The following BCAS3 variants were observed in gnomAD, a reference collection of about 807,000 sequenced individuals.
BCAS3 encodes BCAS3 microtubule associated cell migration factor.
In BCAS3, 53 loss-of-function variants were observed where a neutral mutation model predicts 116.1. That is an observed-to-expected ratio of 0.46 (90% CI 0.37 to 0.57). The LOEUF (loss-of-function observed/expected upper bound fraction) is 0.57. Ranked by LOEUF, BCAS3 falls within the 20% of genes least tolerant of loss-of-function variation. BCAS3 has a pLI of 0.00. For synonymous variants in BCAS3, 391 were observed against 408.2 expected (o/e 0.96, Z 0.51); for missense variants, 917 against 1,165.4 (o/e 0.79, Z 3.10).
At chr17:61,110,550 C>G (rs528909407) in intron 22 of BCAS3, among the ~76,000 whole-genome samples, 2 of 152,242 alleles carry the variant, frequency 1.3e-5, no homozygotes, top group East Asian at 3.8e-4. Context: ...TAAAAAACGG[C>G]GCACCACGAG....
At chr17:61,245,602 T>C (rs2144521492) in intron 22 of BCAS3, among the ~76,000 whole-genome samples, 1 of 152,292 alleles carries the variant, frequency 6.6e-6, no homozygotes, top group East Asian at 1.9e-4. Context: ...AAACAATGTG[T>C]CAATTAGTTT....
rs988312030 is a variant in BCAS3 at position 60,967,970 on chromosome 17, G to T, written c.1221+20618G>T. ...TGTGTTTGTTGTTGTTGTTGTTGTT[G>T]TTGTTGTTTTGGAGATCACTGAGTT... On this transcript the variant is annotated intron_variant, in intron 14 of 23. Transcript: ENST00000407086. This position sits in a 1 kb window ranked among gnomAD's most constrained non-coding sequence, Gnocchi z 4.7. Among the ~76,000 whole-genome samples, 1 of 151,982 alleles carries T rather than the reference G, an allele frequency of 6.6e-6. No homozygotes were observed. Among genetic ancestry groups the T allele is most frequent in the Non-Finnish European group, 1.5e-5 (1 of 68,006 alleles).
At chr17:60,904,539 T>C (rs1004501955) in intron 11 of BCAS3, among the ~76,000 whole-genome samples, 2 of 151,556 alleles carry the variant, frequency 1.3e-5, no homozygotes, top group African/African-American at 4.8e-5. Context: ...ATGTTTAATA[T>C]AACACTTTAG....
chr17:61,357,229 G>A (rs1379147434), intron 22 of BCAS3, among the ~76,000 whole-genome samples: 1 of 149,124 alleles, frequency 6.7e-6, no homozygotes, highest in Non-Finnish European at 1.5e-5. Context: ...CAACGAACAA[G>A]ACTCCATATC....
At chr17:60,950,636 G>A (rs1239928108) in intron 14 of BCAS3, among the ~76,000 whole-genome samples, 1 of 152,084 alleles carries the variant, frequency 6.6e-6, no homozygotes, top group African/African-American at 2.4e-5. Context: ...TTATTTATTA[G>A]GCATATATTC....
At chr17:60,744,760 A>C (rs2041890454) in intron 5 of BCAS3, among the ~76,000 whole-genome samples, 3 of 151,836 alleles carry the variant, frequency 2.0e-5, no homozygotes, top group African/African-American at 7.3e-5. Context: ...GTAATGAAGA[A>C]TGGACAGTGA....
rs188537401 is a variant in BCAS3 at position 60,760,135 on chromosome 17, C to G, written c.403+12856C>G. ...ATCATGTTTCTTTTATACATTCAGC[C>G]AGTCCCTCTCTTTTAAGCAGATAAT... On this transcript the variant is annotated intron_variant, in intron 6 of 23. Transcript: ENST00000407086. Among the ~76,000 whole-genome samples the G allele has an allele frequency of 2.6e-5, 4 of 152,264 alleles. No individual in the cohort carries two copies. The East Asian group carries it at 7.7e-4, about 29-fold the overall frequency.
At position 61,136,246 on chromosome 17, in the gene BCAS3, TAAGCA is replaced by T. The variant is rs568171151; in HGVS notation, c.2425+51683_2425+51687del. The stretch of plus-strand genomic sequence containing the variant: ...GCTCCTATCTTCCAATATTTTTACT[TAAGCA>T]TCCCCTCTTCTTCTCTGCACCTGGA... On this transcript the variant is annotated intron_variant, in intron 22 of 23. Coordinates refer to ENST00000407086, the MANE Select transcript of BCAS3 (RefSeq NM_017679.5). This position sits in a 1 kb window ranked among gnomAD's most constrained non-coding sequence, Gnocchi z 4.4. 3.1e-3 allele frequency among the ~76,000 whole-genome samples: 466 copies of T among 152,320 alleles called. 3 individuals are homozygous for T. Among genetic ancestry groups the T allele is most frequent in the African/African-American group, 0.011 (451 of 41,560 alleles).
chr17:61,108,226 G>C (rs539400263), intron 22 of BCAS3, among the ~76,000 whole-genome samples: 13 of 152,138 alleles, frequency 8.5e-5, no homozygotes, highest in African/African-American at 3.1e-4. Context: ...TATTAAGGTA[G>C]CCACCCCCAC....
At chr17:61,111,604 G>A (rs1194521455) in intron 22 of BCAS3, among the ~76,000 whole-genome samples, 15 of 150,098 alleles carry the variant, frequency 1.0e-4, no homozygotes, top group African/African-American at 2.9e-4. Context: ...CCAAATCTAC[G>A]TCTGATCGGT....
intron 13 of BCAS3, among the ~76,000 whole-genome samples, chr17:60,940,034 A>G (rs145461350): frequency 1.6e-3 from 241 of 152,340 alleles, no homozygotes; most frequent in Admixed American, 2.9e-3. Flanking sequence ...TACAATTCAA[A>G]GAGAAAGAAA....
Position 61,211,328 on chromosome 17 carries a change from G to A in BCAS3, c.2425+126764G>A, listed in dbSNP as rs1678987410. ...GATCTGTAAGACTTTTCAAACACAG[G>A]TTTAAACATCCAGAGACTCCAGCCT... On this transcript the variant is annotated intron_variant, in intron 22 of 23. Transcript: ENST00000407086. The surrounding 1 kb of genome is among the most constrained non-coding windows in gnomAD (Gnocchi z 4.4). Among the ~76,000 whole-genome samples, 2 of 152,124 alleles carry A rather than the reference G, an allele frequency of 1.3e-5. No individual in the cohort carries two copies. Among genetic ancestry groups the A allele is most frequent in the Non-Finnish European group, 1.5e-5 (1 of 68,020 alleles).
intron 4 of BCAS3, among the ~76,000 whole-genome samples, chr17:60,694,229 G>T (rs1385697350): frequency 6.7e-6 from 1 of 149,334 alleles, no homozygotes; most frequent in Non-Finnish European, 1.5e-5. Context: ...TTGGCTGGGC[G>T]TGGTGGCTCA....
intron 22 of BCAS3, among the ~76,000 whole-genome samples, chr17:61,207,197 T>C (rs1276206253): frequency 6.6e-6 from 1 of 152,216 alleles, no homozygotes; most frequent in East Asian, 1.9e-4. Context: ...CCTATTTTTC[T>C]TCTCTGTCCT....
rs1018635599 is a variant in BCAS3 at position 60,890,973 on chromosome 17, T to G, written c.738+1202T>G. Among the ~76,000 whole-genome samples the G allele has an allele frequency of 3.3e-5, 5 of 152,242 alleles. 1 individual carries two copies. Among genetic ancestry groups the G allele is most frequent in the Admixed American group, 6.5e-5 (1 of 15,288 alleles). On this transcript the variant is annotated intron_variant, in intron 10 of 23. Transcript: ENST00000407086. ...AAAATTATTTTTCTGCATAAATTCT[T>G]TGAGATCTTATCCATAAATCTGTCT...
In BCAS3 at chr17:60,956,048, T is replaced by A. The variant is rs2061115813; in HGVS notation, c.1221+8696T>A. ...ATTTACAAGGTTTTTGGGGCAGTAA[T>A]TTAAAACTATGTAAATATGCCATTC... On this transcript the variant is annotated intron_variant, in intron 14 of 23. Coordinates refer to ENST00000407086, the MANE Select transcript of BCAS3 (RefSeq NM_017679.5). This position sits in a 1 kb window ranked among gnomAD's most constrained non-coding sequence, Gnocchi z 4.2. 6.6e-6 allele frequency among the ~76,000 whole-genome samples: 1 copy of A among 152,246 alleles called. No individual in the cohort carries two copies. The highest frequency in any genetic ancestry group is 2.1e-4 in the South Asian group (1 of 4,834).
At chr17:60,845,169 C>T (rs558599602) in intron 7 of BCAS3, among the ~76,000 whole-genome samples, 78 of 152,310 alleles carry the variant, frequency 5.1e-4, no homozygotes, top group Admixed American at 1.4e-3. Flanking sequence ...GCAGAGGTTG[C>T]AGTGAGCCAA....
intron 13 of BCAS3, among the ~76,000 whole-genome samples, chr17:60,937,548 T>C (rs2060000178): frequency 6.6e-6 from 1 of 152,226 alleles, no homozygotes; most frequent in Admixed American, 6.5e-5. Context: ...ACATCCATAG[T>C]GTTTGAAAGA....
At chr17:61,311,007 T>G (rs2054263703) in intron 22 of BCAS3, among the ~76,000 whole-genome samples, 1 of 152,232 alleles carries the variant, frequency 6.6e-6, no homozygotes. Context: ...CTTACCTCTC[T>G]GTGCCTCGGT....
Sources: gnomAD v4.1 joint callset for allele counts (sites outside exome capture counted in the v4.1 genomes callset) on GRCh38, gnomAD v4.1.1 for gene constraint, Gnocchi (gnomAD v3.1) non-coding constraint, MANE v1.5 for transcripts, NCBI Gene and HGNC (gene_info 2026-07-23, HGNC 2026-07-21) for gene names.